Variants in KLHL1 observed in about 807,000 individuals in gnomAD.
KLHL1 encodes kelch-like protein 1.
Under a neutral mutation model 77.7 loss-of-function variants are expected in KLHL1, and 47 were observed. The observed-to-expected ratio is 0.60, with a 90% CI of 0.48 to 0.77. The LOEUF (loss-of-function observed/expected upper bound fraction) is 0.77, where lower values mean the gene tolerates loss of function less well. Ranked by LOEUF, KLHL1 falls within the 30% of genes least tolerant of loss-of-function variation. The pLI, the probability that KLHL1 is intolerant of heterozygous loss-of-function variation, is 0.00. For synonymous variants in KLHL1, 360 were observed against 325.2 expected (o/e 1.11, Z -1.15); for missense variants, 925 against 910.8 (o/e 1.02, Z -0.20).
At chr13:70,002,828 G>C (rs1885328068) in intron 1 of KLHL1, among the ~76,000 whole-genome samples, 1 of 151,476 alleles carries the variant, frequency 6.6e-6, no homozygotes, top group Admixed American at 6.6e-5. Flanking sequence ...TGGGAGAATG[G>C]GCATACATTT....
chr13:69,755,784 A>G (rs1024212521), intron 7 of KLHL1, among the ~76,000 whole-genome samples: 2 of 152,188 alleles, frequency 1.3e-5, no homozygotes, highest in Non-Finnish European at 2.9e-5. Context: ...TAATTGCTAA[A>G]TTAGATAAAA....
intron 6 of KLHL1, among the ~76,000 whole-genome samples, chr13:69,805,510 A>G (rs977578204): frequency 2.6e-5 from 4 of 151,924 alleles, no homozygotes; most frequent in Non-Finnish European, 5.9e-5. Context: ...AAAAAATAAA[A>G]CACTTCTGGA....
intron 1 of KLHL1, among the ~76,000 whole-genome samples, chr13:70,001,649 T>C (rs2501240): frequency 1.5e-5 from 2 of 132,962 alleles, no homozygotes; most frequent in Non-Finnish European, 3.2e-5. Context: ...CATTGGGATA[T>C]CTATCTATTA....
intron 8 of KLHL1, among the ~76,000 whole-genome samples, chr13:69,723,467 A>G (rs1341552822): frequency 6.6e-6 from 1 of 151,964 alleles, no homozygotes; most frequent in African/African-American, 2.4e-5. Context: ...TGTCAATAAC[A>G]AAAAAAGAAA....
intron 7 of KLHL1, among the ~76,000 whole-genome samples, chr13:69,785,779 A>G (rs1464100377): frequency 6.6e-6 from 1 of 152,208 alleles, no homozygotes; most frequent in Non-Finnish European, 1.5e-5. Context: ...TAAAGAAGAA[A>G]AGAGAGAAGA....
At chr13:69,769,393 A>T (rs9572268) in intron 7 of KLHL1, among the ~76,000 whole-genome samples, 6 of 151,944 alleles carry the variant, frequency 3.9e-5, no homozygotes, top group South Asian at 2.1e-4. Context: ...TAAAAGGCAA[A>T]GGAAAAATAC....
chr13:69,911,568 GA>G (rs10717768), intron 4 of KLHL1, among the ~76,000 whole-genome samples: 125,525 of 137,482 alleles, frequency 0.91, 57,333 homozygotes, highest in East Asian at 0.99. Context: ...ATATCATCAA[GA>G]AAAAAAAAAA....
chr13:69,908,463 T>G (rs1882117524), intron 4 of KLHL1, among the ~76,000 whole-genome samples: 1 of 150,292 alleles, frequency 6.7e-6, no homozygotes, highest in Non-Finnish European at 1.5e-5. Flanking sequence ...AAATAGTAAA[T>G]TCTATAAACC....
At chr13:69,894,273 AG>A (rs1392227740) in intron 4 of KLHL1, 1 of 155,118 alleles carries the variant, frequency 6.4e-6, no homozygotes, top group Non-Finnish European at 1.4e-5. Context: ...ATCATTGGCC[AG>A]CGTAATCCTG....
intron 6 of KLHL1, among the ~76,000 whole-genome samples, chr13:69,801,833 AT>A (rs1310863758): frequency 6.6e-6 from 1 of 152,144 alleles, no homozygotes; most frequent in African/African-American, 2.4e-5. Context: ...ATTAGAAATA[AT>A]TCCTACAATG....
intron 4 of KLHL1, among the ~76,000 whole-genome samples, chr13:69,918,362 T>A (rs1448668009): frequency 6.6e-6 from 1 of 152,024 alleles, no homozygotes; most frequent in Non-Finnish European, 1.5e-5. Context: ...GTGATTTTTT[T>A]ATTAAATACT....
At chr13:69,852,787 G>C (rs1008942011) in intron 5 of KLHL1, among the ~76,000 whole-genome samples, 1 of 151,906 alleles carries the variant, frequency 6.6e-6, no homozygotes, top group East Asian at 1.9e-4. Flanking sequence ...ATTCCACTGG[G>C]CATATACTTT....
chr13:69,889,354 T>C (rs1432164587), intron 4 of KLHL1, among the ~76,000 whole-genome samples: 1 of 152,000 alleles, frequency 6.6e-6, no homozygotes, highest in African/African-American at 2.4e-5. Context: ...CAACTTGTTA[T>C]TTTACCGGGG....
At chr13:70,014,017 T>A (rs1470213850) in intron 1 of KLHL1, among the ~76,000 whole-genome samples, 1 of 152,074 alleles carries the variant, frequency 6.6e-6, no homozygotes, top group Non-Finnish European at 1.5e-5. Context: ...GGAAAACAAA[T>A]TTGAGGACAG....
At chr13:69,912,344 T>C (rs1882265920) in intron 4 of KLHL1, among the ~76,000 whole-genome samples, 1 of 152,170 alleles carries the variant, frequency 6.6e-6, no homozygotes, top group Non-Finnish European at 1.5e-5. Flanking sequence ...GGATTTCTGA[T>C]CAATAATCTC....
intron 7 of KLHL1, among the ~76,000 whole-genome samples, chr13:69,782,313 C>G (rs555627986): frequency 6.6e-6 from 1 of 152,156 alleles, no homozygotes; most frequent in African/African-American, 2.4e-5. Context: ...AGACAGTGGG[C>G]GCAGGTCAGT....
rs1883747278 is a variant in KLHL1, at chr13:69,952,668, CAT to C, written c.817+8638_817+8639del. 2.0e-5 allele frequency among the ~76,000 whole-genome samples: 3 copies of C among 151,322 alleles called. 1 individual carries two copies. The highest frequency in any genetic ancestry group is 3.0e-5 in the Non-Finnish European group (2 of 67,518). On this transcript the variant is annotated intron_variant, in intron 3 of 10. Transcript: ENST00000377844. The stretch of plus-strand genomic sequence containing the variant: ...CAGCATGCAGTTTACTTCCAGCTAA[CAT>C]GTGTTTTCCTGGTTGGATTGCACTT...
intron 5 of KLHL1, among the ~76,000 whole-genome samples, chr13:69,862,204 A>G (rs1327213294): frequency 6.6e-6 from 1 of 151,976 alleles, no homozygotes; most frequent in African/African-American, 2.4e-5. Context: ...TTATAATTAG[A>G]AGAAAAATCT....
chr13:69,764,033 C>T (rs1409794645), intron 7 of KLHL1, among the ~76,000 whole-genome samples: 1 of 152,116 alleles, frequency 6.6e-6, no homozygotes, highest in Non-Finnish European at 1.5e-5. Flanking sequence ...TCTATCATAA[C>T]AGAATGACAT....
Sources: allele counts gnomAD v4.1 joint callset (sites outside exome capture counted in the v4.1 genomes callset), GRCh38; gene constraint gnomAD v4.1.1; transcripts MANE v1.5; gene names NCBI Gene and HGNC (gene_info 2026-07-23, HGNC 2026-07-21).